The following CRIM1 variants were observed in gnomAD, a reference collection of about 807,000 sequenced individuals.
The protein encoded by CRIM1 is cysteine-rich motor neuron 1 protein.
A neutral mutation model predicts 116.4 loss-of-function variants in CRIM1; 32 were observed. The observed-to-expected ratio is 0.27, with a 90% CI of 0.21 to 0.37. The LOEUF is 0.37. Among genes scored for constraint, CRIM1 ranks in the 10% least tolerant of loss-of-function variants. CRIM1 has a pLI of 1.00. For synonymous variants in CRIM1, 590 were observed against 509.2 expected (o/e 1.16, Z -2.13); for missense variants, 1,331 against 1,354.8 (o/e 0.98, Z 0.28).
In CRIM1 at chr2:36,356,692, A is replaced by G. The variant is rs1358669627; in HGVS notation, c.331+69A>G. 2.4e-5 allele frequency: 35 copies of G among 1,477,514 alleles called. No individual in the cohort carries two copies. Among genetic ancestry groups the G allele is most frequent in the Non-Finnish European group, 4.5e-6 (5 of 1,098,930 alleles). The allele number at this position is 1,477,514 out of a possible 1,614,324, so 91.5% of individuals were successfully genotyped here. Reference sequence around the variant, plus strand: ...GCCCCCTCGGCGCTGGTTGTGCCGAACAAAGTTTGGGCGAGACTTTCTGGA... The same window carrying G: ...GCCCCCTCGGCGCTGGTTGTGCCGAGCAAAGTTTGGGCGAGACTTTCTGGA... On this transcript the variant is annotated intron_variant, in intron 1 of 16. Transcript: ENST00000280527. The surrounding 1 kb of genome is among the most constrained non-coding windows in gnomAD (Gnocchi z 4.3).
rs186765075 is a variant in CRIM1 at position 36,412,599 on chromosome 2, G to T, written c.505+15812G>T. Among the ~76,000 whole-genome samples the T allele has an allele frequency of 5.4e-4, 82 of 152,152 alleles. No individual in the cohort carries two copies. In the East Asian group the frequency reaches 0.011, roughly 20 times the overall value. On this transcript the variant is annotated intron_variant, in intron 2 of 16. Coordinates refer to ENST00000280527, the MANE Select transcript of CRIM1 (RefSeq NM_016441.3). ...GTATTCCTCAGTCATACTAACCTTT[G>T]TATCAAGATTTTTGCCATATGACTC... is the stretch of plus-strand genomic sequence containing the variant.
intron 4 of CRIM1, among the ~76,000 whole-genome samples, chr2:36,451,720 T>C (rs1676739394): frequency 6.6e-6 from 1 of 152,154 alleles, no homozygotes; most frequent in Admixed American, 6.5e-5. Context: ...AGGAGGGTGT[T>C]GGGAGGTGGG....
At chr2:36,399,518 G>A (rs1318653299) in intron 2 of CRIM1, among the ~76,000 whole-genome samples, 4 of 152,176 alleles carry the variant, frequency 2.6e-5, no homozygotes, top group African/African-American at 9.7e-5. Flanking sequence ...TGATTCTAGG[G>A]TTTCTAACCT....
chr2:36,452,881 C>T (rs1466355079), intron 4 of CRIM1, among the ~76,000 whole-genome samples: 1 of 152,114 alleles, frequency 6.6e-6, no homozygotes, highest in Non-Finnish European at 1.5e-5. Flanking sequence ...ATTCCGTAAG[C>T]CTTTCAGTAA....
rs139158066 is a variant in CRIM1 at position 36,406,718 on chromosome 2, C to T, written c.505+9931C>T. ...GCATTCTGTATTGCAAGGGCCATGC[C>T]CTCTTTGCTTCAGGACTTTCATGTG... On this transcript the variant is annotated intron_variant, in intron 2 of 16. Transcript: ENST00000280527. 1.8e-3 allele frequency among the ~76,000 whole-genome samples: 275 copies of T among 151,276 alleles called. 1 individual carries two copies. The highest frequency in any genetic ancestry group is 6.4e-3 in the African/African-American group (264 of 41,176).
intron 13 of CRIM1, among the ~76,000 whole-genome samples, chr2:36,530,437 C>G (rs1033617996): frequency 6.6e-6 from 1 of 152,116 alleles, no homozygotes; most frequent in Admixed American, 6.5e-5. Context: ...TGCTCACATT[C>G]TATTTATTCT....
At chr2:36,362,370 G>T (rs1019771127) in intron 1 of CRIM1, among the ~76,000 whole-genome samples, 1 of 152,262 alleles carries the variant, frequency 6.6e-6, no homozygotes, top group African/African-American at 2.4e-5. Flanking sequence ...CTTTCTTTTG[G>T]CAGGGGAGGT....
chr2:36,393,957 G>T (rs1671819044), intron 1 of CRIM1, among the ~76,000 whole-genome samples: 1 of 152,208 alleles, frequency 6.6e-6, no homozygotes, highest in African/African-American at 2.4e-5. Flanking sequence ...TACTGGGCAG[G>T]TTTGTTTTTT....
chr2:36,533,889 C>T (rs1172988993), intron 13 of CRIM1, among the ~76,000 whole-genome samples: 2 of 148,588 alleles, frequency 1.3e-5, no homozygotes, highest in African/African-American at 5.0e-5. Flanking sequence ...TTCTTCCCAT[C>T]ATTATTCTCG....
At chr2:36,400,017 A>T (rs1305801364) in intron 2 of CRIM1, among the ~76,000 whole-genome samples, 5 of 152,162 alleles carry the variant, frequency 3.3e-5, no homozygotes, top group African/African-American at 1.2e-4. Flanking sequence ...TCTAGTTCTT[A>T]TGTAGGTGTG....
At chr2:36,431,549 C>T (rs554113060) in intron 2 of CRIM1, among the ~76,000 whole-genome samples, 1 of 152,144 alleles carries the variant, frequency 6.6e-6, no homozygotes, top group Non-Finnish European at 1.5e-5. Flanking sequence ...TACGATAATA[C>T]CCTTGGTTTA....
In CRIM1 at chr2:36,548,781, T is replaced by C. The variant is rs1461753793; in HGVS notation, c.*80T>C. 4 of 1,201,502 alleles carry C rather than the reference T, an allele frequency of 3.3e-6. No individual in the cohort carries two copies. Among genetic ancestry groups the C allele is most frequent in the African/African-American group, 1.5e-5 (1 of 64,526 alleles). 74.4% of individuals were successfully genotyped at this position (1,201,502 alleles called of 1,614,324 possible). On this transcript the variant is annotated 3_prime_UTR_variant, in exon 17 of 17. Coordinates refer to ENST00000280527, the MANE Select transcript of CRIM1 (RefSeq NM_016441.3). ...AAAAAGTAAACTAGAATTTGTGCAC[T>C]TGCTTAGTGGATTGTATTGGATTGT... is the stretch of plus-strand genomic sequence containing the variant.
chr2:36,485,474 C>G (rs1013165286), intron 7 of CRIM1, among the ~76,000 whole-genome samples: 1 of 152,172 alleles, frequency 6.6e-6, no homozygotes, highest in Non-Finnish European at 1.5e-5. Flanking sequence ...TATTCTCTCC[C>G]TGAAGGCTGA....
At chr2:36,429,460 G>A (rs748011260) in intron 2 of CRIM1, among the ~76,000 whole-genome samples, 1 of 152,156 alleles carries the variant, frequency 6.6e-6, no homozygotes, top group Non-Finnish European at 1.5e-5. Context: ...CTCTGTGTGG[G>A]TTGCTGTATG....
chr2:36,441,135 C>G (rs991490485), intron 2 of CRIM1, 123 bp from the exon 3 acceptor site: 1 of 1,325,328 alleles, frequency 7.5e-7, no homozygotes, highest in Non-Finnish European at 1.0e-6. Flanking sequence ...AAGGTTTACA[C>G]TGAATTTCTT....
rs941673433 is a variant in CRIM1 at position 36,473,534 on chromosome 2, C to G, written c.992-3355C>G. 2.0e-5 allele frequency among the ~76,000 whole-genome samples: 3 copies of G among 152,242 alleles called. No homozygotes were observed. In the East Asian group the frequency reaches 5.8e-4, roughly 29 times the overall value. ...TCACTGCCCATTTTCCCCCTAAGCT[C>G]TCAGATCTAGGCAACCACTAATCTA... On this transcript the variant is annotated intron_variant, in intron 5 of 16. Coordinates refer to ENST00000280527, the MANE Select transcript of CRIM1 (RefSeq NM_016441.3).
intron 5 of CRIM1, among the ~76,000 whole-genome samples, chr2:36,470,256 G>GT (rs1375318618): frequency 6.6e-6 from 1 of 152,166 alleles, no homozygotes; most frequent in Non-Finnish European, 1.5e-5. Flanking sequence ...ATTTGTTTTG[G>GT]TGGAGGGATG....
intron 5 of CRIM1, among the ~76,000 whole-genome samples, chr2:36,466,829 C>A (rs1193795319): frequency 6.6e-6 from 1 of 152,242 alleles, no homozygotes; most frequent in African/African-American, 2.4e-5. Flanking sequence ...ACACTTTAAT[C>A]TTAAGTCATT....
chr2:36,498,966 T>G (rs1680794925), intron 7 of CRIM1, among the ~76,000 whole-genome samples: 1 of 152,150 alleles, frequency 6.6e-6, no homozygotes. Context: ...CAGAGAAGAA[T>G]TGTGTGAAGG....
Sources: gnomAD v4.1 joint callset for allele counts (sites outside exome capture counted in the v4.1 genomes callset) on GRCh38, gnomAD v4.1.1 for gene constraint, Gnocchi (gnomAD v3.1) non-coding constraint, MANE v1.5 for transcripts, NCBI Gene and HGNC (gene_info 2026-07-23, HGNC 2026-07-21) for gene names.